The following HECW1 variants were observed in gnomAD, a reference collection of about 807,000 sequenced individuals.
HECW1 encodes E3 ubiquitin-protein ligase HECW1.
Under a neutral mutation model 182.3 loss-of-function variants are expected in HECW1, and 61 were observed. The observed-to-expected ratio is 0.33, with a 90% CI of 0.27 to 0.41. HECW1 has a LOEUF of 0.41. Ranked by LOEUF, HECW1 falls within the 10% of genes least tolerant of loss-of-function variation. HECW1 has a pLI of 1.00. For synonymous variants in HECW1, 859 were observed against 832.6 expected (o/e 1.03, Z -0.55); for missense variants, 1,739 against 2,108.9 (o/e 0.82, Z 3.44).
intron 26 of HECW1, among the ~76,000 whole-genome samples, chr7:43,548,103 A>G (rs2081637938): frequency 6.6e-6 from 1 of 152,270 alleles, no homozygotes; most frequent in African/African-American, 2.4e-5. Context: ...CAGTGGCACC[A>G]TGTACAGGCT....
At chr7:43,364,024 C>T (rs977686655) in intron 6 of HECW1, among the ~76,000 whole-genome samples, 3 of 152,168 alleles carry the variant, frequency 2.0e-5, no homozygotes, top group African/African-American at 7.2e-5. Context: ...TGTTGATAAA[C>T]TTGGAGTGTC....
chr7:43,312,230 T>A, intron 4 of HECW1, 143 bp downstream of exon 4: 1 of 774,760 alleles, frequency 1.3e-6, no homozygotes, highest in Non-Finnish European at 2.0e-6. Flanking sequence ...CACTGTTGCA[T>A]GACCTTGTTT....
At chr7:43,483,847 C>T (rs957635648) in intron 17 of HECW1, among the ~76,000 whole-genome samples, 1 of 152,034 alleles carries the variant, frequency 6.6e-6, no homozygotes, top group African/African-American at 2.4e-5. Flanking sequence ...CCACGCCCAG[C>T]CACAAACTTA....
At chr7:43,477,205 C>G (rs1271560071) in intron 16 of HECW1, among the ~76,000 whole-genome samples, 1 of 152,112 alleles carries the variant, frequency 6.6e-6, no homozygotes, top group East Asian at 1.9e-4. Context: ...GAGGAAGATT[C>G]ATGAACTAAT....
At chr7:43,520,975 T>C (rs879077473) in intron 24 of HECW1, among the ~76,000 whole-genome samples, 1 of 152,220 alleles carries the variant, frequency 6.6e-6, no homozygotes. Flanking sequence ...GGCAGCACCC[T>C]TCAGGTCCTG....
intron 2 of HECW1, among the ~76,000 whole-genome samples, chr7:43,140,848 C>T (rs947146483): frequency 6.6e-6 from 1 of 152,112 alleles, no homozygotes; most frequent in Non-Finnish European, 1.5e-5. Context: ...TCTGGCTTCC[C>T]GGTGGCCACC....
intron 6 of HECW1, among the ~76,000 whole-genome samples, chr7:43,381,316 T>TTTAA (rs1240910718): frequency 6.6e-6 from 1 of 152,030 alleles, no homozygotes; most frequent in African/African-American, 2.4e-5. Context: ...AGTTCTTACT[T>TTTAA]TTATTTATTT....
chr7:43,371,444 G>A (rs114953615), intron 6 of HECW1, among the ~76,000 whole-genome samples: 282 of 152,118 alleles, frequency 1.9e-3, no homozygotes, highest in African/African-American at 6.6e-3. Flanking sequence ...GTTTTGCTGT[G>A]GACCTAAACC....
chr7:43,155,230 C>A (rs2152649768), intron 2 of HECW1, among the ~76,000 whole-genome samples: 1 of 152,234 alleles, frequency 6.6e-6, no homozygotes, highest in South Asian at 2.1e-4. Context: ...ATGTAAATGT[C>A]CTTATGAAGA....
chr7:43,505,777 G>A (rs910419420), intron 21 of HECW1, among the ~76,000 whole-genome samples: 1 of 152,160 alleles, frequency 6.6e-6, no homozygotes, highest in Non-Finnish European at 1.5e-5. Flanking sequence ...CCCCAGAGAA[G>A]CCTTCCCAGA....
intron 6 of HECW1, 147 bp downstream of exon 6, chr7:43,361,127 T>G: frequency 1.8e-6 from 1 of 543,480 alleles, no homozygotes; most frequent in South Asian, 2.9e-5. Context: ...TACTGATAGA[T>G]TGATTATGAA....
At chr7:43,456,761 C>T (rs1470897911) in intron 13 of HECW1, among the ~76,000 whole-genome samples, 1 of 152,180 alleles carries the variant, frequency 6.6e-6, no homozygotes, top group African/African-American at 2.4e-5. Flanking sequence ...CCAAGGATGT[C>T]AGTGTTCCTT....
intron 3 of HECW1, among the ~76,000 whole-genome samples, chr7:43,300,941 T>G (rs1806687115): frequency 6.6e-6 from 1 of 152,182 alleles, no homozygotes; most frequent in South Asian, 2.1e-4. Flanking sequence ...CGGTGCCACT[T>G]GTTTAGACTT....
At chr7:43,199,148 G>A (rs762040388) in intron 2 of HECW1, among the ~76,000 whole-genome samples, 18 of 152,202 alleles carry the variant, frequency 1.2e-4, no homozygotes, top group Non-Finnish European at 1.9e-4. Flanking sequence ...CCCGCTCAGG[G>A]AACAGCCTCT....
At chr7:43,193,950 A>G (rs1474685803) in intron 2 of HECW1, among the ~76,000 whole-genome samples, 2 of 152,238 alleles carry the variant, frequency 1.3e-5, no homozygotes, top group Non-Finnish European at 2.9e-5. Flanking sequence ...ATATGTCAAA[A>G]AAGATATTTT....
chr7:43,475,550 A>G (rs907190315), intron 16 of HECW1, among the ~76,000 whole-genome samples: 2 of 151,952 alleles, frequency 1.3e-5, no homozygotes, highest in Admixed American at 1.3e-4. Flanking sequence ...TTAAATATTT[A>G]TTTATTTATT....
At chr7:43,198,319 C>T (rs1794676239) in intron 2 of HECW1, among the ~76,000 whole-genome samples, 1 of 149,568 alleles carries the variant, frequency 6.7e-6, no homozygotes, top group African/African-American at 2.5e-5. Context: ...TACACTGTCA[C>T]TTACACACAC....
At position 43,169,813 on chromosome 7, in the gene HECW1, C is replaced by T. The variant is rs572537966; in HGVS notation, c.-32+55422C>T. Among the ~76,000 whole-genome samples the T allele has an allele frequency of 1.2e-3, 179 of 151,780 alleles. 1 individual carries two copies. The highest frequency in any genetic ancestry group is 3.4e-3 in the African/African-American group (142 of 41,380). The stretch of plus-strand genomic sequence containing the variant: ...ACGCCATTCTCCTGCCTCAGCCTCC[C>T]GATCTTTGTATCTTAAACACATCTC... On this transcript the variant is annotated intron_variant, in intron 2 of 29. Coordinates refer to ENST00000395891, the MANE Select transcript of HECW1 (RefSeq NM_015052.5).
At chr7:43,423,709 T>C (rs1336766649) in intron 8 of HECW1, among the ~76,000 whole-genome samples, 1 of 152,132 alleles carries the variant, frequency 6.6e-6, no homozygotes, top group African/African-American at 2.4e-5. Context: ...AGCTGACAGC[T>C]CATGTGCAAC....
Sources: gnomAD v4.1 joint callset for allele counts (sites outside exome capture counted in the v4.1 genomes callset) on GRCh38, gnomAD v4.1.1 for gene constraint, MANE v1.5 for transcripts, NCBI Gene and HGNC (gene_info 2026-07-23, HGNC 2026-07-21) for gene names.